The following LRRC40 variants were observed in gnomAD, a reference collection of about 807,000 sequenced individuals.
LRRC40 encodes the protein leucine rich repeat containing 40.
A neutral mutation model predicts 72.8 loss-of-function variants in LRRC40; 76 were observed. The ratio of observed to expected loss-of-function variants is 1.04; its 90% CI spans 0.87 to 1.26. LRRC40 has a LOEUF of 1.26. Among genes scored for constraint, LRRC40 ranks in the 50% most tolerant of loss-of-function variants. The probability of loss-of-function intolerance (pLI) is 0.00; values close to 1 mark genes in which losing one functional copy is unlikely to be tolerated. For missense variants in LRRC40, 684 were observed against 698.9 expected (o/e 0.98, Z 0.24); for synonymous variants, 243 against 254.2 (o/e 0.96, Z 0.42).
chr1:70,191,269 A>C (rs1668494279), intron 1 of LRRC40, among the ~76,000 whole-genome samples: 1 of 152,170 alleles, frequency 6.6e-6, no homozygotes, highest in Non-Finnish European at 1.5e-5. Context: ...CCTAAAGATG[A>C]GACATAGAAC....
chr1:70,157,202 A>G (rs908277414), intron 10 of LRRC40, among the ~76,000 whole-genome samples: 6 of 152,194 alleles, frequency 3.9e-5, no homozygotes, highest in Non-Finnish European at 8.8e-5. Flanking sequence ...CAGTTATTAT[A>G]CCTTCTACTT....
intron 9 of LRRC40, among the ~76,000 whole-genome samples, chr1:70,160,874 A>C (rs568571884): frequency 2.1e-4 from 32 of 152,236 alleles, no homozygotes; most frequent in African/African-American, 7.5e-4. Flanking sequence ...TCAAAATTTC[A>C]AATTGAAAGG....
intron 1 of LRRC40, 51 bp from the exon 2 acceptor site, chr1:70,189,324 A>AAAACCAGAACTAGATACT: frequency 7.5e-7 from 1 of 1,332,600 alleles, no homozygotes; most frequent in Non-Finnish European, 1.0e-6. Context: ...AAAAAAGATG[A>AAAACCAGAACTAGATACT]AAACCAGAAC....
At chr1:70,163,956 A>G (rs1443861838) in intron 9 of LRRC40, among the ~76,000 whole-genome samples, 11 of 152,168 alleles carry the variant, frequency 7.2e-5, no homozygotes, top group Non-Finnish European at 2.9e-5. Flanking sequence ...ATTTCTCACA[A>G]TTGTGAAGGC....
At chr1:70,201,785 C>A (rs1387086694) in intron 1 of LRRC40, among the ~76,000 whole-genome samples, 1 of 151,988 alleles carries the variant, frequency 6.6e-6, no homozygotes, top group East Asian at 1.9e-4. Flanking sequence ...CCAGCCTGAC[C>A]AACATGGAGA....
At chr1:70,196,764 A>G (rs1210003668) in intron 1 of LRRC40, among the ~76,000 whole-genome samples, 2 of 152,244 alleles carry the variant, frequency 1.3e-5, no homozygotes, top group Non-Finnish European at 2.9e-5. Context: ...AAGGGGCACA[A>G]GTAAACTTTT....
chr1:70,190,592 C>T (rs1260272096), intron 1 of LRRC40, among the ~76,000 whole-genome samples: 1 of 141,980 alleles, frequency 7.0e-6, no homozygotes, highest in South Asian at 2.2e-4. Flanking sequence ...GGAGGATTGC[C>T]GGAGCACAGA....
chr1:70,178,791 A>G, intron 6 of LRRC40, 60 bp downstream of exon 6: 4 of 1,114,080 alleles, frequency 3.6e-6, no homozygotes, highest in Non-Finnish European at 5.0e-6. Context: ...TCCTTTAAAA[A>G]TGCATTTTAA....
chr1:70,158,448 C>T (rs914372314), intron 10 of LRRC40, among the ~76,000 whole-genome samples: 4 of 152,030 alleles, frequency 2.6e-5, no homozygotes, highest in African/African-American at 9.7e-5. Flanking sequence ...CATAAATGAA[C>T]CAATTGCTAC....
intron 7 of LRRC40, 145 bp from the exon 8 acceptor site, chr1:70,173,854 C>G (rs72917831): frequency 6.9e-6 from 3 of 437,754 alleles, no homozygotes; most frequent in African/African-American, 4.1e-5. Flanking sequence ...AAAACATTTC[C>G]TTTCAAGATA....
intron 4 of LRRC40, among the ~76,000 whole-genome samples, chr1:70,182,637 T>C (rs1375030919): frequency 1.3e-5 from 2 of 151,902 alleles, no homozygotes; most frequent in Non-Finnish European, 2.9e-5. Context: ...AGTTAAATAA[T>C]TACTGCAGTT....
In LRRC40 at chr1:70,169,930, C is replaced by T. The variant is rs201633875; in HGVS notation, c.1111+3535G>A. On this transcript the variant is annotated intron_variant, in intron 9 of 14. Transcript: ENST00000370952. ...ACATTTCCCAATTCATTTTATGATGCCATTATTAGGCTATCACCCAAACCA... is the reference window on the plus strand; with the variant it reads ...ACATTTCCCAATTCATTTTATGATGTCATTATTAGGCTATCACCCAAACCA... Among the ~76,000 whole-genome samples the T allele has an allele frequency of 7.2e-5, 11 of 152,138 alleles. No individual in the cohort carries two copies. In the East Asian group the frequency reaches 9.6e-4, roughly 13 times the overall value.
intron 10 of LRRC40, among the ~76,000 whole-genome samples, chr1:70,158,662 T>C (rs1667692290): frequency 1.3e-5 from 2 of 152,218 alleles, no homozygotes; most frequent in Admixed American, 1.3e-4. Context: ...GAATATTTGC[T>C]ACCACAGCAC....
intron 6 of LRRC40, among the ~76,000 whole-genome samples, chr1:70,178,082 A>T (rs1668149210): frequency 6.6e-6 from 1 of 152,208 alleles, no homozygotes; most frequent in African/African-American, 2.4e-5. Flanking sequence ...TGTTCATGTT[A>T]TTGGTAAGGC....
At chr1:70,189,428 A>G (rs753019474) in intron 1 of LRRC40, among the ~76,000 whole-genome samples, 155 bp from the exon 2 acceptor site, 21 of 152,226 alleles carry the variant, frequency 1.4e-4, no homozygotes, top group Non-Finnish European at 2.8e-4. Context: ...AGCAATAAAT[A>G]TAACTAGAGT....
At chr1:70,187,733 A>T (rs1414826113) in intron 2 of LRRC40, among the ~76,000 whole-genome samples, 3 of 152,008 alleles carry the variant, frequency 2.0e-5, no homozygotes, top group Non-Finnish European at 1.5e-5. Flanking sequence ...CAGAAGGCTG[A>T]GGTGGGAAGA....
At chr1:70,200,457 C>A (rs966905250) in intron 1 of LRRC40, among the ~76,000 whole-genome samples, 10 of 150,530 alleles carry the variant, frequency 6.6e-5, no homozygotes, top group Non-Finnish European at 1.5e-4. Context: ...TGAGACCCTA[C>A]CTCTAAAAAA....
intron 1 of LRRC40, among the ~76,000 whole-genome samples, chr1:70,203,706 A>G (rs1014796838): frequency 1.3e-5 from 2 of 152,210 alleles, no homozygotes; most frequent in African/African-American, 4.8e-5. Flanking sequence ...AATAAATGAG[A>G]AATTAGGGCA....
intron 4 of LRRC40, among the ~76,000 whole-genome samples, chr1:70,182,793 GT>G (rs1343815136): frequency 4.6e-5 from 7 of 152,010 alleles, no homozygotes; most frequent in Admixed American, 4.6e-4. Flanking sequence ...AATTATAGGT[GT>G]TTAATCTGTT....
Sources: gnomAD v4.1 joint callset for allele counts (sites outside exome capture counted in the v4.1 genomes callset) on GRCh38, gnomAD v4.1.1 for gene constraint, MANE v1.5 for transcripts, NCBI Gene and HGNC (gene_info 2026-07-23, HGNC 2026-07-21) for gene names.